The following HORMAD1 variants were observed in gnomAD, a reference collection of about 807,000 sequenced individuals.
HORMAD1 encodes HORMA domain-containing protein 1.
Under a neutral mutation model 58.2 loss-of-function variants are expected in HORMAD1, and 33 were observed. That is an observed-to-expected ratio of 0.57 (90% CI 0.43 to 0.76). The LOEUF is 0.76. Ranked by LOEUF, HORMAD1 falls within the 30% of genes least tolerant of loss-of-function variation. The pLI, the probability that HORMAD1 is intolerant of heterozygous loss-of-function variation, is 0.00. For missense variants in HORMAD1, 363 were observed against 462.0 expected (o/e 0.79, Z 1.96); for synonymous variants, 137 against 144.6 (o/e 0.95, Z 0.38).
At chr1:150,711,075 G>C (rs937260036) in intron 7 of HORMAD1, among the ~76,000 whole-genome samples, 2 of 152,158 alleles carry the variant, frequency 1.3e-5, no homozygotes, top group African/African-American at 4.8e-5. Flanking sequence ...GCACTCAGTA[G>C]ATCTTTCCCC....
chr1:150,709,953 T>C (rs1021436057), intron 7 of HORMAD1, among the ~76,000 whole-genome samples: 6 of 152,214 alleles, frequency 3.9e-5, no homozygotes, highest in African/African-American at 1.4e-4. Context: ...TGCTCACATG[T>C]TTGTTGCTGA....
At chr1:150,698,908 T>C in intron 14 of HORMAD1, 174 bp from the exon 15 acceptor site, 1 of 468,298 alleles carries the variant, frequency 2.1e-6, no homozygotes, top group Non-Finnish European at 3.9e-6. Context: ...ATTATTAACA[T>C]CTTCCAATGG....
In HORMAD1 at chr1:150,703,316, A is replaced by G. The variant is rs778181313; in HGVS notation, c.1026T>C (p.Asn342=). The change falls in exon 13 of 15, where the codon AAT becomes AAC. Residue 342 remains asparagine, a synonymous_variant. Transcript: ENST00000361824. ...AACCTAAAGAGATATTTACCATTTTATTCTGAAAGACTTTTCCACTTCTTG... is the reference window on the plus strand; with the variant it reads ...AACCTAAAGAGATATTTACCATTTTGTTCTGAAAGACTTTTCCACTTCTTG... ...SKTRSGKVFQ[N]KMANGNQPVK... 4 of 1,520,572 alleles carry G rather than the reference A, an allele frequency of 2.6e-6. No individual in the cohort carries two copies. The highest frequency in any genetic ancestry group is 1.7e-4 in the Middle Eastern group (1 of 5,876). 94.2% of individuals were successfully genotyped at this position (1,520,572 alleles called of 1,614,324 possible). A position where few individuals can be genotyped will look rare whatever the true frequency, so the allele number is the denominator to read the frequency against.
chr1:150,711,757 G>T (rs1651912101), intron 6 of HORMAD1, 76 bp downstream of exon 6: 1 of 1,025,482 alleles, frequency 9.8e-7, no homozygotes, highest in Non-Finnish European at 1.5e-6. Flanking sequence ...TCAATTGATA[G>T]TTTTAGTGTC....
intron 14 of HORMAD1, 173 bp from the exon 15 acceptor site, chr1:150,698,907 A>G: frequency 2.1e-6 from 1 of 468,852 alleles, no homozygotes; most frequent in South Asian, 4.1e-5. Flanking sequence ...TATTATTAAC[A>G]TCTTCCAATG....
intron 4 of HORMAD1, 71 bp from the exon 5 acceptor site, chr1:150,714,192 C>A: frequency 1.1e-6 from 1 of 937,282 alleles, no homozygotes; most frequent in Non-Finnish European, 1.7e-6. Context: ...TCATAAATTT[C>A]CATATTATCT....
chr1:150,715,622 T>A (rs1165656669), intron 3 of HORMAD1, among the ~76,000 whole-genome samples: 1 of 151,744 alleles, frequency 6.6e-6, no homozygotes, highest in Non-Finnish European at 1.5e-5. Flanking sequence ...AGAGATGGAG[T>A]CTCCTTATGT....
chr1:150,706,481 C>T (rs1447239995), intron 10 of HORMAD1, 72 bp downstream of exon 10: 38 of 1,204,942 alleles, frequency 3.2e-5, no homozygotes, highest in Non-Finnish European at 4.2e-5. Context: ...TTAATGGGAG[C>T]TATGAAAAAT....
Position 150,704,274 on chromosome 1 carries a change from T to G in HORMAD1, c.871+3A>C. 6.3e-7 allele frequency: 1 copy of G among 1,592,870 alleles called. No individual in the cohort carries two copies. ...TTAATGTACATTTTCATTAACTTCTTACCTTCAAGTTCAGAAGATGCAGGG... is the reference window on the plus strand; with the variant it reads ...TTAATGTACATTTTCATTAACTTCTGACCTTCAAGTTCAGAAGATGCAGGG... On this transcript the variant is annotated splice_donor_region_variant and intron_variant, in intron 11 of 14. Coordinates refer to ENST00000361824, the MANE Select transcript of HORMAD1 (RefSeq NM_032132.5).
chr1:150,711,050 C>A (rs185875247), intron 7 of HORMAD1, among the ~76,000 whole-genome samples: 82 of 152,214 alleles, frequency 5.4e-4, no homozygotes, highest in South Asian at 3.3e-3. Flanking sequence ...AAGAACAGAG[C>A]CTAATATAAA....
intron 3 of HORMAD1, among the ~76,000 whole-genome samples, chr1:150,716,120 T>C (rs12130363): frequency 0.39 from 57,961 of 146,772 alleles, 13,100 homozygotes; most frequent in Non-Finnish European, 0.5. Context: ...CTTGAAAACA[T>C]GCTAAGTGAA....
intron 7 of HORMAD1, among the ~76,000 whole-genome samples, chr1:150,710,848 T>C (rs1557798738): frequency 6.6e-6 from 1 of 152,248 alleles, no homozygotes; most frequent in East Asian, 1.9e-4. Context: ...AGCTATAGCG[T>C]AATGGGTAAA....
At position 150,700,139 on chromosome 1, in the gene HORMAD1, C is replaced by T. The variant is rs1224205704; in HGVS notation, c.1077G>A (p.Lys359=). The T allele has an allele frequency of 6.3e-7, 1 of 1,577,416 alleles. No individual in the cohort carries two copies. The highest frequency in any genetic ancestry group is 8.7e-7 in the Non-Finnish European group (1 of 1,147,238). The change falls in exon 14 of 15, where the codon AAG becomes AAA. Residue 359 remains lysine (K), a synonymous_variant. Transcript: ENST00000361824. ...TTCTCCCAGATTCATGTTGACTTCT[C>T]TTCCGATTTTCTTTGGAAGATTTTA... ...QPVKSSKENR[K]RSQHESGRIV... is the part of the protein sequence containing the mutation.
At chr1:150,716,415 C>T (rs1178457139) in intron 3 of HORMAD1, among the ~76,000 whole-genome samples, 1 of 151,408 alleles carries the variant, frequency 6.6e-6, no homozygotes, top group African/African-American at 2.4e-5. Flanking sequence ...CCGCCTCGGC[C>T]TCCCAAAGTG....
intron 7 of HORMAD1, among the ~76,000 whole-genome samples, chr1:150,709,255 A>G (rs1651787170): frequency 6.6e-6 from 1 of 152,232 alleles, no homozygotes; most frequent in Non-Finnish European, 1.5e-5. Context: ...AAGAGACTCC[A>G]TTTTGAAAAA....
intron 12 of HORMAD1, 66 bp downstream of exon 12, chr1:150,704,052 A>T: frequency 9.9e-7 from 1 of 1,010,058 alleles, no homozygotes; most frequent in Non-Finnish European, 1.4e-6. Context: ...GAAAAATAAA[A>T]AATTAGCGCA....
Position 150,708,401 on chromosome 1 carries a change from G to A in HORMAD1, c.402C>T (p.Asn134=). 3 of 1,584,848 alleles carry A rather than the reference G, an allele frequency of 1.9e-6. No individual in the cohort carries two copies. Among genetic ancestry groups the A allele is most frequent in the Non-Finnish European group, 2.6e-6 (3 of 1,165,368 alleles). ...NGPLMDFISK[N]QSNESSMLST... is the part of the protein sequence containing the mutation. ...ACAACATGCTAGATTCGTTGCTTTG[G>A]TTTTTACTAGAAGAGAATCACATAT... Residue 134 remains asparagine (N), a synonymous_variant, in exon 9 of 15, where the codon AAC becomes AAT. Transcript: ENST00000361824.
chr1:150,716,942 G>A (rs1482617055), intron 3 of HORMAD1, among the ~76,000 whole-genome samples, 196 bp downstream of exon 3: 12 of 130,680 alleles, frequency 9.2e-5, no homozygotes, highest in African/African-American at 3.5e-4. Flanking sequence ...CAGCCCGGGC[G>A]AGACCCCGTC....
At chr1:150,703,478 C>A (rs942656963) in intron 12 of HORMAD1, 85 bp from the exon 13 acceptor site, 10 of 722,420 alleles carry the variant, frequency 1.4e-5, no homozygotes, top group Non-Finnish European at 2.0e-5. Context: ...AAAAATTTAA[C>A]CACATAAAAT....
Sources: allele counts gnomAD v4.1 joint callset (sites outside exome capture counted in the v4.1 genomes callset), GRCh38; gene constraint gnomAD v4.1.1; transcripts MANE v1.5; gene names NCBI Gene and HGNC (gene_info 2026-07-23, HGNC 2026-07-21).